ZC3H13: variants seen among roughly 807,000 people sequenced by gnomAD.
ZC3H13 encodes zinc finger CCCH domain-containing protein 13.
In ZC3H13, 64 loss-of-function variants were observed where a neutral mutation model predicts 204.1. The observed-to-expected ratio is 0.31, with a 90% CI of 0.26 to 0.39. ZC3H13 has a LOEUF of 0.39. Ranked by LOEUF, ZC3H13 falls within the 10% of genes least tolerant of loss-of-function variation. ZC3H13 has a pLI of 1.00. For synonymous variants in ZC3H13, 667 were observed against 693.7 expected, an observed-to-expected ratio of 0.96 and a Z score of 0.60; for missense variants, 1,833 against 2,082.7, an observed-to-expected ratio of 0.88 and a Z score of 2.33.
intron 3 of ZC3H13, among the ~76,000 whole-genome samples, chr13:46,044,233 T>C (rs1339682817): frequency 2.6e-5 from 4 of 151,722 alleles, no homozygotes; most frequent in Admixed American, 1.3e-4. Context: ...TGCTATGCTA[T>C]AGCCAAAACA....
chr13:46,052,215 A>G (rs1410400754), intron 1 of ZC3H13, among the ~76,000 whole-genome samples, 189 bp downstream of exon 1: 4 of 151,920 alleles, frequency 2.6e-5, no homozygotes, highest in African/African-American at 9.7e-5. Context: ...CAAATGCCAG[A>G]ATCATAATCA....
intron 3 of ZC3H13, among the ~76,000 whole-genome samples, chr13:46,043,664 G>T (rs553320111): frequency 6.6e-6 from 1 of 150,878 alleles, no homozygotes; most frequent in Non-Finnish European, 1.5e-5. Flanking sequence ...TTTTCCTCCC[G>T]ACAAAAAAAA....
chr13:46,025,984 C>T (rs1203879021), intron 4 of ZC3H13, among the ~76,000 whole-genome samples: 1 of 151,608 alleles, frequency 6.6e-6, no homozygotes, highest in Non-Finnish European at 1.5e-5. Flanking sequence ...AGTCTATATA[C>T]AGTTTTAGAA....
chr13:45,969,742 T>G lies in ZC3H13; in HGVS notation c.2802A>C (p.Ala934=). 1 of 1,613,972 alleles carries G rather than the reference T, an allele frequency of 6.2e-7. No homozygotes were observed. The highest frequency in any genetic ancestry group is 8.5e-7 in the Non-Finnish European group (1 of 1,180,020). ...ACTGGTGGTGTCCTATAATGTCCTGTGCACGCATTCTTGAGCTTTCCAGGA... is the reference window on the plus strand; with the variant it reads ...ACTGGTGGTGTCCTATAATGTCCTGGGCACGCATTCTTGAGCTTTCCAGGA... ...TEILESSRMR[A]QDIIGHHQSE... The change falls in exon 14 of 19, where the codon GCA becomes GCC. Residue 934 remains alanine (A), a synonymous_variant. Coordinates refer to ENST00000679008, the MANE Select transcript of ZC3H13 (RefSeq NM_001330564.2).
chr13:46,042,562 A>G (rs1400245847), intron 3 of ZC3H13, among the ~76,000 whole-genome samples: 3 of 152,132 alleles, frequency 2.0e-5, no homozygotes, highest in African/African-American at 7.2e-5. Flanking sequence ...AAGAAATTAT[A>G]TGTGAACTGA....
At chr13:45,960,723 G>C in intron 17 of ZC3H13, among the ~76,000 whole-genome samples, 1 of 152,162 alleles carries the variant, frequency 6.6e-6, no homozygotes, top group Non-Finnish European at 1.5e-5. Context: ...TCAAGAGTAC[G>C]AAAGACAGCA....
intron 17 of ZC3H13, chr13:45,962,144 CAGAAAATATAGAT>C: frequency 2.0e-6 from 2 of 984,620 alleles, no homozygotes. Context: ...TGGGCAATAG[CAGAAAATATAGAT>C]AGATAATTAG....
chr13:45,963,174 T>A, intron 17 of ZC3H13: 1 of 971,502 alleles, frequency 1.0e-6, no homozygotes, highest in Non-Finnish European at 1.2e-6. Flanking sequence ...AACACACAGA[T>A]TAAGTAATAG....
chr13:45,980,607 G>A (rs143839872), intron 10 of ZC3H13, among the ~76,000 whole-genome samples: 54 of 152,248 alleles, frequency 3.5e-4, no homozygotes, highest in African/African-American at 1.1e-3. Flanking sequence ...ATGAATGACC[G>A]ATATATGCAA....
intron 13 of ZC3H13, 121 bp downstream of exon 13, chr13:45,970,241 G>A (rs1952472940): frequency 9.3e-7 from 1 of 1,074,938 alleles, no homozygotes; most frequent in Non-Finnish European, 1.3e-6. Flanking sequence ...ATATTTAGAG[G>A]CAGCAAAGCA....
chr13:45,989,163 C>A (rs2039785054), intron 8 of ZC3H13, 66 bp from the exon 9 acceptor site: 3 of 1,452,390 alleles, frequency 2.1e-6, no homozygotes, highest in Non-Finnish European at 2.8e-6. Context: ...AAAGGAAAAT[C>A]TTTAAAAACA....
chr13:46,004,706 A>G (rs2041007830), intron 7 of ZC3H13, among the ~76,000 whole-genome samples: 1 of 152,170 alleles, frequency 6.6e-6, no homozygotes, highest in Non-Finnish European at 1.5e-5. Flanking sequence ...TCATCTACAA[A>G]TGAAATATCA....
Position 45,957,246 on chromosome 13 carries a change from G to GT in ZC3H13, c.4890dup (p.Leu1631ThrfsTer9), listed in dbSNP as rs1361166595. ...TTAAATAACCGAAGACTCAATCGAAGTAATTCATTGTCTACCATTGGAGCA... is the reference window on the plus strand; with the variant it reads ...TTAAATAACCGAAGACTCAATCGAAGTTAATTCATTGTCTACCATTGGAGCA... On this transcript the variant is annotated frameshift_variant, in exon 19 of 19. Transcript: ENST00000679008. LOFTEE classifies it high-confidence loss of function. 4.5e-6 allele frequency: 7 copies of GT among 1,547,728 alleles called. No homozygotes were observed. Among genetic ancestry groups the GT allele is most frequent in the Non-Finnish European group, 6.1e-6 (7 of 1,145,508 alleles).
intron 9 of ZC3H13, among the ~76,000 whole-genome samples, chr13:45,986,146 C>T (rs765898352): frequency 6.6e-6 from 1 of 152,184 alleles, no homozygotes; most frequent in Non-Finnish European, 1.5e-5. Context: ...TAAACTAGAC[C>T]ATCTGTGACC....
chr13:46,041,835 G>T (rs927347246), intron 4 of ZC3H13, among the ~76,000 whole-genome samples: 44 of 152,024 alleles, frequency 2.9e-4, no homozygotes, highest in African/African-American at 1.0e-3. Context: ...TTTCTTGGAA[G>T]CAGATGTGAT....
chr13:45,975,678 T>C lies in ZC3H13; in HGVS notation c.2073A>G (p.Arg691=), dbSNP rs773423076. The C allele has an allele frequency of 1.2e-6, 2 of 1,612,380 alleles. No individual in the cohort carries two copies. The highest frequency in any genetic ancestry group is 1.7e-6 in the Non-Finnish European group (2 of 1,179,140). ...RERERDRERE[R]ERERERDRER... is the part of the protein sequence containing the mutation. ...CCCGATCCCGTTCACGTTCCCTCTCTCTCTCCCGCTCCCTGTCTCGTTCTC... is the reference window on the plus strand; with the variant it reads ...CCCGATCCCGTTCACGTTCCCTCTCCCTCTCCCGCTCCCTGTCTCGTTCTC... The change falls in exon 12 of 19, where the codon AGA becomes AGG. Residue 691 remains arginine (R), a synonymous_variant. Transcript: ENST00000679008.
intron 1 of ZC3H13, among the ~76,000 whole-genome samples, chr13:46,049,848 C>A (rs990720178): frequency 1.3e-5 from 2 of 152,084 alleles, no homozygotes; most frequent in African/African-American, 4.8e-5. Flanking sequence ...ATACTAAAGT[C>A]TTTCCTATCA....
In ZC3H13 at chr13:46,031,235, T is replaced by A. The variant is rs1447046719; in HGVS notation, c.340-10678A>T. 2.6e-5 allele frequency among the ~76,000 whole-genome samples: 4 copies of A among 151,038 alleles called. No individual in the cohort carries two copies. The East Asian group carries it at 5.8e-4, about 22-fold the overall frequency. On this transcript the variant is annotated intron_variant, in intron 4 of 18. Transcript: ENST00000679008. ...ACCGGACAACCAAATGCAAAAAAAA[T>A]AAATAAATAAATAAAAAGAATCTAG...
chr13:45,980,386 C>T (rs1315897228), intron 10 of ZC3H13, among the ~76,000 whole-genome samples: 1 of 152,044 alleles, frequency 6.6e-6, no homozygotes, highest in Non-Finnish European at 1.5e-5. Context: ...ATACAGTTTA[C>T]AGTGAAAACA....
Sources: gnomAD v4.1 joint callset for allele counts (sites outside exome capture counted in the v4.1 genomes callset) on GRCh38, gnomAD v4.1.1 for gene constraint, MANE v1.5 for transcripts, NCBI Gene and HGNC (gene_info 2026-07-23, HGNC 2026-07-21) for gene names.